The following ADGRL3 variants were observed in gnomAD, a reference collection of about 807,000 sequenced individuals.
ADGRL3 encodes the protein adhesion G protein-coupled receptor L3, also known as calcium-independent alpha-latrotoxin receptor 3.
ADGRL3 carries 62 observed loss-of-function variants against 153.5 expected under a neutral mutation model. That is an observed-to-expected ratio of 0.40 (90% CI 0.33 to 0.50). The LOEUF is 0.50. Ranked by LOEUF, ADGRL3 falls within the 20% of genes least tolerant of loss-of-function variation. ADGRL3 has a pLI of 0.47. For synonymous variants in ADGRL3, 710 were observed against 672.5 expected (o/e 1.06, Z -0.86); for missense variants, 1,641 against 1,859.4 (o/e 0.88, Z 2.16).
At chr4:61,486,622 T>C (rs1237158382) in intron 2 of ADGRL3, among the ~76,000 whole-genome samples, 1 of 152,190 alleles carries the variant, frequency 6.6e-6, no homozygotes, top group African/African-American at 2.4e-5. Context: ...ATATATTTGG[T>C]TATTCTCAGT....
rs369059891 is a variant in ADGRL3 at position 61,670,023 on chromosome 4, C to T, written c.474-6803C>T. Among the ~76,000 whole-genome samples the T allele has an allele frequency of 5.0e-4, 76 of 152,242 alleles. 1 individual carries two copies. In the South Asian group the frequency reaches 0.015, roughly 29 times the overall value. On this transcript the variant is annotated intron_variant, in intron 5 of 26. Transcript: ENST00000683033. ...CACTTAAATTATTTTAGGCTGGGTGCGGTGGCTCATGCCTGTAATCCCAGC... is the reference window on the plus strand; with the variant it reads ...CACTTAAATTATTTTAGGCTGGGTGTGGTGGCTCATGCCTGTAATCCCAGC...
At chr4:61,517,631 T>G (rs2098505413) in intron 4 of ADGRL3, 113 bp downstream of exon 4, 1 of 643,142 alleles carries the variant, frequency 1.6e-6, no homozygotes. Context: ...CTGTCTGCAT[T>G]CACTTTTGTG....
chr4:61,234,785 C>A (rs1752196459), intron 1 of ADGRL3, among the ~76,000 whole-genome samples: 1 of 151,986 alleles, frequency 6.6e-6, no homozygotes, highest in African/African-American at 2.4e-5. Flanking sequence ...AGGATGATGA[C>A]CGAATGAGGG....
chr4:61,587,092 T>G (rs1278548850), intron 4 of ADGRL3, 135 bp from the exon 5 acceptor site: 6 of 487,770 alleles, frequency 1.2e-5, no homozygotes, highest in African/African-American at 9.6e-5. Context: ...TATTCTAGTT[T>G]AATTAAAATT....
intron 9 of ADGRL3, among the ~76,000 whole-genome samples, chr4:61,866,919 G>A (rs1474502131): frequency 6.6e-6 from 1 of 152,168 alleles, no homozygotes; most frequent in Non-Finnish European, 1.5e-5. Context: ...TGAAGATCCT[G>A]GTATTGAGAT....
chr4:61,528,936 G>T (rs1335457821), intron 4 of ADGRL3, among the ~76,000 whole-genome samples: 1 of 152,018 alleles, frequency 6.6e-6, no homozygotes, highest in African/African-American at 2.4e-5. Context: ...CACAGCTGTA[G>T]TTCACTGATA....
chr4:61,238,445 G>A (rs1254393973), intron 1 of ADGRL3, among the ~76,000 whole-genome samples: 7 of 75,406 alleles, frequency 9.3e-5, no homozygotes, highest in Admixed American at 2.8e-4. Flanking sequence ...AATGTGTGGT[G>A]TGTGTGTGTG....
intron 8 of ADGRL3, among the ~76,000 whole-genome samples, chr4:61,757,915 A>G (rs527476388): frequency 1.3e-5 from 2 of 152,244 alleles, no homozygotes; most frequent in African/African-American, 2.4e-5. Flanking sequence ...CTCAGTTTCC[A>G]TGTAGCTGAG....
At chr4:61,452,988 T>G (rs974756343) in intron 2 of ADGRL3, among the ~76,000 whole-genome samples, 3 of 152,032 alleles carry the variant, frequency 2.0e-5, no homozygotes, top group Admixed American at 6.6e-5. Flanking sequence ...ATAGATAATA[T>G]TATTAGAAAT....
chr4:62,036,507 G>A (rs369053759), intron 23 of ADGRL3, among the ~76,000 whole-genome samples: 4 of 152,094 alleles, frequency 2.6e-5, no homozygotes, highest in African/African-American at 9.6e-5. Flanking sequence ...TATATGTTCT[G>A]TCTTTAATTC....
chr4:61,992,377 A>G (rs1182194033), intron 19 of ADGRL3, among the ~76,000 whole-genome samples: 1 of 152,250 alleles, frequency 6.6e-6, no homozygotes, highest in Non-Finnish European at 1.5e-5. Context: ...TACACCCCAC[A>G]TAACGTTCTT....
intron 4 of ADGRL3, 104 bp from the exon 5 acceptor site, chr4:61,587,123 A>G (rs2098949616): frequency 1.6e-5 from 10 of 620,540 alleles, no homozygotes; most frequent in Non-Finnish European, 2.8e-5. Flanking sequence ...ACTGCTTTAT[A>G]TCTTCGTATT....
chr4:62,046,999 C>A (rs1233855579), intron 25 of ADGRL3, among the ~76,000 whole-genome samples: 1 of 151,916 alleles, frequency 6.6e-6, no homozygotes, highest in African/African-American at 2.4e-5. Flanking sequence ...GAAGATTCAT[C>A]TTTTCAGATA....
chr4:61,693,745 A>G (rs2095582512), intron 6 of ADGRL3, among the ~76,000 whole-genome samples: 1 of 152,264 alleles, frequency 6.6e-6, no homozygotes, highest in South Asian at 2.1e-4. Context: ...ATTTTCCAAT[A>G]TTTGGCAAGA....
intron 17 of ADGRL3, among the ~76,000 whole-genome samples, chr4:61,978,021 C>A (rs2099054058): frequency 6.6e-6 from 1 of 152,026 alleles, no homozygotes; most frequent in African/African-American, 2.4e-5. Context: ...TGTTTAGCTC[C>A]TGATTATAAG....
chr4:61,270,381 G>T (rs1366564372), intron 1 of ADGRL3, among the ~76,000 whole-genome samples: 1 of 151,692 alleles, frequency 6.6e-6, no homozygotes, highest in East Asian at 1.9e-4. Context: ...GAGAATTTCA[G>T]AGAATTTTAC....
chr4:61,490,115 A>G (rs1296389931), intron 2 of ADGRL3, among the ~76,000 whole-genome samples: 1 of 151,928 alleles, frequency 6.6e-6, no homozygotes, highest in African/African-American at 2.4e-5. Flanking sequence ...TACCTTTACC[A>G]TAGCAACTCT....
intron 2 of ADGRL3, among the ~76,000 whole-genome samples, chr4:61,388,842 T>C (rs527256822): frequency 1.3e-5 from 2 of 152,276 alleles, no homozygotes; most frequent in East Asian, 3.9e-4. Context: ...TTTCCTAGAC[T>C]TCAGGTATTC....
At chr4:61,763,506 T>C (rs899945879) in intron 8 of ADGRL3, among the ~76,000 whole-genome samples, 6 of 152,188 alleles carry the variant, frequency 3.9e-5, no homozygotes, top group Admixed American at 2.0e-4. Flanking sequence ...TTGCCTGTCA[T>C]ATGTCAGTAT....
Sources: gnomAD v4.1 joint callset for allele counts (sites outside exome capture counted in the v4.1 genomes callset) on GRCh38, gnomAD v4.1.1 for gene constraint, MANE v1.5 for transcripts, NCBI Gene and HGNC (gene_info 2026-07-23, HGNC 2026-07-21) for gene names.